LYPLA1: variants seen among roughly 807,000 people sequenced by gnomAD.
LYPLA1 encodes the protein acyl-protein thioesterase 1.
Under a neutral mutation model 34.0 loss-of-function variants are expected in LYPLA1, and 17 were observed. The observed-to-expected ratio is 0.50, with a 90% CI of 0.34 to 0.75. The LOEUF (loss-of-function observed/expected upper bound fraction) is 0.75. Ranked by LOEUF, LYPLA1 falls within the 30% of genes least tolerant of loss-of-function variation. The pLI is 0.01. For missense variants in LYPLA1, 203 were observed against 288.8 expected, an observed-to-expected ratio of 0.70 and a Z score of 2.15; for synonymous variants, 98 against 100.8, an observed-to-expected ratio of 0.97 and a Z score of 0.17.
At chr8:54,048,766 C>T (rs1176190864) in intron 8 of LYPLA1, among the ~76,000 whole-genome samples, 1 of 152,192 alleles carries the variant, frequency 6.6e-6, no homozygotes, top group African/African-American at 2.4e-5. Flanking sequence ...AGCAATGCAG[C>T]TAACCTTCAG....
At chr8:54,084,141 A>AATACATATAT (rs1554547934) in intron 2 of LYPLA1, among the ~76,000 whole-genome samples, 27 of 118,646 alleles carry the variant, frequency 2.3e-4, no homozygotes, top group African/African-American at 1.1e-3. Flanking sequence ...AAAATAAATA[A>AATACATATAT]ATATATATAT....
intron 2 of LYPLA1, among the ~76,000 whole-genome samples, chr8:54,086,236 G>C (rs989930631): frequency 6.6e-6 from 1 of 151,504 alleles, no homozygotes; most frequent in Non-Finnish European, 1.5e-5. Context: ...CAGCATACTC[G>C]TTAAGAGTCA....
intron 2 of LYPLA1, among the ~76,000 whole-genome samples, chr8:54,099,975 C>T (rs1348376274): frequency 2.0e-5 from 3 of 152,104 alleles, no homozygotes; most frequent in African/African-American, 2.4e-5. Flanking sequence ...TGAGCCACCG[C>T]GCCCGGCCCC....
rs1383556822 is a variant in LYPLA1, at chr8:54,101,896, G to A, written c.-73C>T. 8.5e-6 allele frequency: 8 copies of A among 936,026 alleles called. No individual in the cohort carries two copies. Among genetic ancestry groups the A allele is most frequent in the Non-Finnish European group, 1.1e-5 (8 of 732,246 alleles). The allele number at this position is 936,026 out of a possible 1,614,324, so 58.0% of individuals were successfully genotyped here. A position where few individuals can be genotyped will look rare whatever the true frequency, so the allele number is the denominator to read the frequency against. ...GCCGCGGCCCAAGGGCGTGCGAGCG[G>A]CGAGTCCCGGCCGGCCCCACCGGGC... is the stretch of plus-strand genomic sequence containing the variant. On this transcript the variant is annotated 5_prime_UTR_variant, in exon 1 of 9. Transcript: ENST00000316963.
At chr8:54,084,308 C>T (rs866704476) in intron 2 of LYPLA1, among the ~76,000 whole-genome samples, 13 of 151,904 alleles carry the variant, frequency 8.6e-5, no homozygotes, top group Middle Eastern at 6.8e-3. Context: ...CGGTGGCTCA[C>T]GCCTGTATTC....
At chr8:54,095,751 T>G (rs943569018) in intron 2 of LYPLA1, among the ~76,000 whole-genome samples, 3 of 142,832 alleles carry the variant, frequency 2.1e-5, no homozygotes, top group Non-Finnish European at 4.6e-5. Context: ...GGCTTACACT[T>G]TTTTTTTTTT....
chr8:54,056,312 T>G (rs1042860877), intron 5 of LYPLA1, among the ~76,000 whole-genome samples: 1 of 152,174 alleles, frequency 6.6e-6, no homozygotes, highest in Non-Finnish European at 1.5e-5. Flanking sequence ...AATAAACACT[T>G]AAATCTAAGA....
At chr8:54,100,988 C>A in intron 1 of LYPLA1, 49 bp from the exon 2 acceptor site, 3 of 1,484,894 alleles carry the variant, frequency 2.0e-6, no homozygotes, top group Admixed American at 1.7e-5. Context: ...TAAGCCCACA[C>A]AGGATTGTTA....
chr8:54,057,145 C>A (rs1806263639), intron 5 of LYPLA1, among the ~76,000 whole-genome samples: 1 of 152,152 alleles, frequency 6.6e-6, no homozygotes, highest in Non-Finnish European at 1.5e-5. Flanking sequence ...AACCCTCATA[C>A]ACTGTTGGTG....
intron 2 of LYPLA1, among the ~76,000 whole-genome samples, chr8:54,082,948 G>A (rs141805380): frequency 6.6e-6 from 1 of 152,150 alleles, no homozygotes; most frequent in African/African-American, 2.4e-5. Flanking sequence ...GGATGGTCTC[G>A]ATCTCCTGAC....
chr8:54,085,002 T>C (rs374304411), intron 2 of LYPLA1, among the ~76,000 whole-genome samples: 8 of 120,758 alleles, frequency 6.6e-5, no homozygotes, highest in African/African-American at 3.7e-4. Flanking sequence ...TCCCTCCTCT[T>C]CCTCTCCCTC....
intron 2 of LYPLA1, among the ~76,000 whole-genome samples, chr8:54,071,559 A>G (rs1027400853): frequency 9.2e-5 from 14 of 152,216 alleles, no homozygotes; most frequent in Non-Finnish European, 1.5e-4. Context: ...AAGATGAACC[A>G]AGGAAGCTCC....
At chr8:54,079,578 G>A (rs1808159956) in intron 2 of LYPLA1, among the ~76,000 whole-genome samples, 2 of 152,048 alleles carry the variant, frequency 1.3e-5, no homozygotes, top group African/African-American at 2.4e-5. Context: ...TGAGTTGGGC[G>A]GATCATTTGA....
At chr8:54,086,920 T>A (rs992861599) in intron 2 of LYPLA1, among the ~76,000 whole-genome samples, 2 of 152,120 alleles carry the variant, frequency 1.3e-5, no homozygotes, top group African/African-American at 4.8e-5. Context: ...ACCAAATCTA[T>A]CGACATATAA....
chr8:54,054,098 A>G (rs555899046), intron 6 of LYPLA1, among the ~76,000 whole-genome samples: 1 of 152,226 alleles, frequency 6.6e-6, no homozygotes, highest in African/African-American at 2.4e-5. Context: ...TTCCTGCTTC[A>G]GCCTCCGGAG....
At chr8:54,097,776 G>T (rs1586188707) in intron 2 of LYPLA1, among the ~76,000 whole-genome samples, 1 of 152,158 alleles carries the variant, frequency 6.6e-6, no homozygotes, top group East Asian at 1.9e-4. Context: ...TATATACTAT[G>T]TTTTTTCCTA....
chr8:54,065,785 T>C lies in LYPLA1; in HGVS notation c.130A>G (p.Ile44Val). ...GHGWAEAFAG[I>V]RSSHIKYICP... ...ATATATTTGATATGTGAACTTCTGATACCTGCAAAGGCTTCTGCCCATCCG... is the reference window on the plus strand; with the variant it reads ...ATATATTTGATATGTGAACTTCTGACACCTGCAAAGGCTTCTGCCCATCCG... The change falls in exon 3 of 9, where the codon ATC becomes GTC. Residue 44 changes from isoleucine (I) to valine (V), a missense_variant. Transcript: ENST00000316963. 3 of 1,614,006 alleles carry C rather than the reference T, an allele frequency of 1.9e-6. No homozygotes were observed. The highest frequency in any genetic ancestry group is 2.5e-6 in the Non-Finnish European group (3 of 1,179,902).
intron 2 of LYPLA1, among the ~76,000 whole-genome samples, chr8:54,071,407 G>C (rs1306334088): frequency 9.3e-4 from 1 of 1,072 alleles, no homozygotes. Flanking sequence ...AGAGTATTTA[G>C]AGGTGATAGG....
At chr8:54,084,073 G>A (rs1318575507) in intron 2 of LYPLA1, among the ~76,000 whole-genome samples, 2 of 149,604 alleles carry the variant, frequency 1.3e-5, no homozygotes, top group African/African-American at 2.5e-5. Flanking sequence ...CGGAAGCAGA[G>A]GTTGCAGTGA....
Sources: allele counts gnomAD v4.1 joint callset (sites outside exome capture counted in the v4.1 genomes callset), GRCh38; gene constraint gnomAD v4.1.1; transcripts MANE v1.5; gene names NCBI Gene and HGNC (gene_info 2026-07-23, HGNC 2026-07-21).